The following GULP1 variants were observed in gnomAD, a reference collection of about 807,000 sequenced individuals.
GULP1 encodes the protein PTB domain-containing engulfment adapter protein 1.
GULP1 carries 19 observed loss-of-function variants against 40.9 expected under a neutral mutation model. The observed-to-expected ratio is 0.46, with a 90% CI of 0.32 to 0.68. GULP1 has a LOEUF of 0.68. Among genes scored for constraint, GULP1 ranks in the 30% least tolerant of loss-of-function variants. GULP1 has a pLI of 0.03. For synonymous variants in GULP1, 119 were observed against 117.6 expected (o/e 1.01, Z -0.08); for missense variants, 312 against 362.2 (o/e 0.86, Z 1.12).
intron 7 of GULP1, among the ~76,000 whole-genome samples, chr2:188,565,450 A>G (rs936078296): frequency 2.6e-5 from 4 of 152,044 alleles, no homozygotes; most frequent in Non-Finnish European, 5.9e-5. Context: ...GAGCAATATT[A>G]TTATTCAACA....
At chr2:188,343,699 C>T (rs1264029243) in intron 1 of GULP1, among the ~76,000 whole-genome samples, 7 of 152,208 alleles carry the variant, frequency 4.6e-5, no homozygotes, top group African/African-American at 1.7e-4. Flanking sequence ...TACAGATAAT[C>T]TCATTATTTC....
chr2:188,376,970 G>A (rs1260964611), intron 1 of GULP1, among the ~76,000 whole-genome samples: 5 of 152,056 alleles, frequency 3.3e-5, no homozygotes, highest in Non-Finnish European at 7.4e-5. Flanking sequence ...TCAGGATTTC[G>A]AGACCAGCCT....
chr2:188,423,519 A>G (rs779345735), intron 2 of GULP1, among the ~76,000 whole-genome samples: 1 of 151,816 alleles, frequency 6.6e-6, no homozygotes, highest in Non-Finnish European at 1.5e-5. Flanking sequence ...TTATGATTCA[A>G]TTGCATTTTA....
intron 3 of GULP1, among the ~76,000 whole-genome samples, chr2:188,480,226 T>A (rs1327306922): frequency 6.6e-6 from 1 of 152,102 alleles, no homozygotes; most frequent in East Asian, 1.9e-4. Flanking sequence ...CCATAAGCTA[T>A]AATTATATCA....
chr2:188,389,490 T>C (rs1328486232), intron 2 of GULP1, among the ~76,000 whole-genome samples: 1 of 152,164 alleles, frequency 6.6e-6, no homozygotes, highest in Admixed American at 6.6e-5. Context: ...AATGGATATA[T>C]GTTCTTTCTC....
intron 1 of GULP1, among the ~76,000 whole-genome samples, chr2:188,332,465 G>A (rs933791915): frequency 3.3e-5 from 5 of 152,192 alleles, no homozygotes; most frequent in African/African-American, 9.7e-5. Flanking sequence ...TGGGATTACA[G>A]GCATGAGCCA....
chr2:188,591,255 AT>A (rs1055940677), intron 11 of GULP1: 4 of 152,114 alleles, frequency 2.6e-5, no homozygotes, highest in African/African-American at 9.6e-5. Flanking sequence ...CTAGCAGATT[AT>A]TTTTTAAACT....
chr2:188,536,097 C>T (rs1353192289), intron 6 of GULP1, among the ~76,000 whole-genome samples: 1 of 151,814 alleles, frequency 6.6e-6, no homozygotes, highest in Non-Finnish European at 1.5e-5. Context: ...GGGTATTAGA[C>T]GTTTGTTGGA....
chr2:188,369,918 A>G (rs1466968640), intron 1 of GULP1, among the ~76,000 whole-genome samples: 2 of 152,104 alleles, frequency 1.3e-5, no homozygotes, highest in African/African-American at 4.8e-5. Flanking sequence ...ATCATGGCTC[A>G]CGTCAGTCTT....
chr2:188,312,368 A>C (rs1244579003), intron 1 of GULP1, among the ~76,000 whole-genome samples: 1 of 151,356 alleles, frequency 6.6e-6, no homozygotes, highest in Non-Finnish European at 1.5e-5. Context: ...CCATTGTTCA[A>C]CTCCCACTTA....
intron 4 of GULP1, among the ~76,000 whole-genome samples, chr2:188,487,665 A>G (rs1050659562): frequency 3.3e-5 from 5 of 151,966 alleles, no homozygotes; most frequent in African/African-American, 1.2e-4. Flanking sequence ...CCCTTTCAAA[A>G]CCATGTCAGG....
At chr2:188,503,061 G>A (rs925293727) in intron 4 of GULP1, among the ~76,000 whole-genome samples, 3 of 151,862 alleles carry the variant, frequency 2.0e-5, no homozygotes, top group East Asian at 1.9e-4. Context: ...AAGGTCTCAC[G>A]TTTTAATACT....
chr2:188,441,818 C>G (rs898123400), intron 2 of GULP1, among the ~76,000 whole-genome samples: 1 of 152,124 alleles, frequency 6.6e-6, no homozygotes, highest in Non-Finnish European at 1.5e-5. Flanking sequence ...ATTGATTTTC[C>G]TTTATTTGGA....
At chr2:188,564,346 A>C (rs1697105174) in intron 7 of GULP1, among the ~76,000 whole-genome samples, 2 of 151,790 alleles carry the variant, frequency 1.3e-5, no homozygotes, top group Non-Finnish European at 3.0e-5. Flanking sequence ...ACTTTTTTAC[A>C]TAAAAATTGC....
chr2:188,341,123 C>T (rs2042913721), intron 1 of GULP1, among the ~76,000 whole-genome samples: 1 of 152,086 alleles, frequency 6.6e-6, no homozygotes, highest in African/African-American at 2.4e-5. Context: ...AGAGGTGGGG[C>T]TTCACCAGGG....
intron 3 of GULP1, among the ~76,000 whole-genome samples, chr2:188,482,722 TATATA>T (rs2061534753): frequency 1.3e-5 from 2 of 151,174 alleles, no homozygotes; most frequent in Non-Finnish European, 3.0e-5. Flanking sequence ...ATATAAATAA[TATATA>T]ATACAATTAC....
intron 4 of GULP1, among the ~76,000 whole-genome samples, chr2:188,506,696 T>A (rs554528656): frequency 1.3e-5 from 2 of 152,072 alleles, no homozygotes; most frequent in East Asian, 3.9e-4. Flanking sequence ...TTCCACAGAT[T>A]CCCCTTAAAT....
intron 4 of GULP1, among the ~76,000 whole-genome samples, chr2:188,499,018 C>T (rs903215154): frequency 4.0e-5 from 6 of 150,000 alleles, no homozygotes; most frequent in African/African-American, 1.5e-4. Flanking sequence ...CTCTTTTATC[C>T]AAGGATTTTA....
intron 2 of GULP1, among the ~76,000 whole-genome samples, chr2:188,385,927 G>C (rs2049673301): frequency 6.6e-6 from 1 of 152,140 alleles, no homozygotes; most frequent in Admixed American, 6.5e-5. Flanking sequence ...TCTTTAGGGA[G>C]TTCCAAACTT....
Sources: allele counts gnomAD v4.1 joint callset (sites outside exome capture counted in the v4.1 genomes callset), GRCh38; gene constraint gnomAD v4.1.1; transcripts MANE v1.5; gene names NCBI Gene and HGNC (gene_info 2026-07-23, HGNC 2026-07-21).